The following ALK variants were observed in gnomAD, a reference collection of about 807,000 sequenced individuals.
The protein encoded by ALK is ALK receptor tyrosine kinase, also known as ALK tyrosine kinase receptor.
In ALK, 74 loss-of-function variants were observed where a neutral mutation model predicts 163.1. The ratio of observed to expected loss-of-function variants is 0.45; its 90% CI spans 0.38 to 0.55. The LOEUF is 0.55. Among genes scored for constraint, ALK ranks in the 20% least tolerant of loss-of-function variants. The pLI is 0.00. For missense variants in ALK, 2,063 were observed against 2,105.3 expected (o/e 0.98, Z 0.39); for synonymous variants, 960 against 843.2 (o/e 1.14, Z -2.40).
intron 1 of ALK, among the ~76,000 whole-genome samples, chr2:29,919,728 T>G (rs1326865869): frequency 6.6e-6 from 1 of 151,980 alleles, no homozygotes; most frequent in Non-Finnish European, 1.5e-5. Context: ...AGCGTATAAG[T>G]CCAGAGAAGA....
intron 3 of ALK, among the ~76,000 whole-genome samples, chr2:29,579,376 T>G (rs555868211): frequency 2.0e-5 from 3 of 152,328 alleles, no homozygotes; most frequent in African/African-American, 7.2e-5. Context: ...TATCCGCTCT[T>G]CCTTTGTATC....
At chr2:29,858,057 GCA>G (rs1332184565) in intron 1 of ALK, among the ~76,000 whole-genome samples, 1 of 58,932 alleles carries the variant, frequency 1.7e-5, no homozygotes, top group Non-Finnish European at 4.2e-5. Flanking sequence ...ATGTGTGTGT[GCA>G]TGTGTGTGTG....
At chr2:29,643,878 C>T (rs921712402) in intron 3 of ALK, among the ~76,000 whole-genome samples, 1 of 152,108 alleles carries the variant, frequency 6.6e-6, no homozygotes, top group Non-Finnish European at 1.5e-5. Flanking sequence ...TACCATTTGA[C>T]CCAGCCATCC....
At chr2:29,605,638 C>T (rs1047754801) in intron 3 of ALK, among the ~76,000 whole-genome samples, 15 of 152,114 alleles carry the variant, frequency 9.9e-5, no homozygotes, top group Non-Finnish European at 1.6e-4. Flanking sequence ...AGAAGGTGGC[C>T]GTCTACGAGC....
At chr2:29,679,009 T>C (rs1350707925) in intron 3 of ALK, among the ~76,000 whole-genome samples, 1 of 151,936 alleles carries the variant, frequency 6.6e-6, no homozygotes, top group African/African-American at 2.4e-5. Context: ...TTGTTTCCCC[T>C]TTCAGTTCTA....
At chr2:29,297,979 T>TAAAA (rs1168701544) in intron 8 of ALK, among the ~76,000 whole-genome samples, 1 of 152,144 alleles carries the variant, frequency 6.6e-6, no homozygotes, top group Non-Finnish European at 1.5e-5. Flanking sequence ...AGAGTAAAGG[T>TAAAA]ACCCCCTTTT....
chr2:29,222,867 A>T (rs561598103), intron 20 of ALK, among the ~76,000 whole-genome samples: 50 of 152,278 alleles, frequency 3.3e-4, no homozygotes, highest in African/African-American at 9.4e-4. Context: ...ATCAGTAGTT[A>T]TTGAGTCTCT....
At chr2:29,614,112 G>A (rs145196998) in intron 3 of ALK, among the ~76,000 whole-genome samples, 1,786 of 152,206 alleles carry the variant, frequency 0.012, 21 homozygotes, top group Non-Finnish European at 0.015. Context: ...TCCCCCTACC[G>A]TTCCCCAGGC....
chr2:29,557,606 A>T (rs980296640), intron 3 of ALK, among the ~76,000 whole-genome samples: 4 of 152,188 alleles, frequency 2.6e-5, no homozygotes, highest in Non-Finnish European at 4.4e-5. Flanking sequence ...CTTTCATTGG[A>T]AACACCCATT....
At chr2:29,451,847 G>A (rs975647865) in intron 4 of ALK, among the ~76,000 whole-genome samples, 8 of 152,102 alleles carry the variant, frequency 5.3e-5, no homozygotes, top group Admixed American at 1.3e-4. Context: ...GAAAACACAC[G>A]CAGCCACGCT....
chr2:29,593,914 T>C (rs1440400812), intron 3 of ALK, among the ~76,000 whole-genome samples: 1 of 152,236 alleles, frequency 6.6e-6, no homozygotes, highest in Non-Finnish European at 1.5e-5. Context: ...GATTGTTAAA[T>C]ACAGCCATTA....
At chr2:29,915,903 A>G (rs188922787) in intron 1 of ALK, among the ~76,000 whole-genome samples, 10 of 152,356 alleles carry the variant, frequency 6.6e-5, no homozygotes, top group African/African-American at 2.4e-4. Flanking sequence ...AGGGAAGAAT[A>G]AATTCAGTAA....
Position 29,474,198 on chromosome 2 carries a change from T to C in ALK, c.1154+57717A>G, listed in dbSNP as rs141734109. On this transcript the variant is annotated intron_variant, in intron 4 of 28. Coordinates refer to ENST00000389048, the MANE Select transcript of ALK (RefSeq NM_004304.5). ...ACAACAAAATTGAATTACTGCTACA[T>C]ACAACTAAACAGGAATATCTCACAG... Among the ~76,000 whole-genome samples, 375 of 152,326 alleles carry C rather than the reference T, an allele frequency of 2.5e-3. 3 individuals carry two copies. Among genetic ancestry groups the C allele is most frequent in the African/African-American group, 8.6e-3 (358 of 41,566 alleles).
At chr2:29,821,822 G>T (rs763181421) in intron 1 of ALK, among the ~76,000 whole-genome samples, 1 of 152,150 alleles carries the variant, frequency 6.6e-6, no homozygotes, top group Non-Finnish European at 1.5e-5. Context: ...GGATTAAGTG[G>T]AAAATCAATC....
rs76949868 is a variant in ALK, at chr2:29,297,824, C to T, written c.1648-767G>A. On this transcript the variant is annotated intron_variant, in intron 8 of 28. Coordinates refer to ENST00000389048, the MANE Select transcript of ALK (RefSeq NM_004304.5). ...CGATCATATTCAGAGGTAGGACATA[C>T]TATAAACAAGGTTTCTGGTCTTTGT... Among the ~76,000 whole-genome samples, 12 of 143,252 alleles carry T rather than the reference C, an allele frequency of 8.4e-5. No homozygotes were observed. The East Asian group carries it at 1.9e-3, about 23-fold the overall frequency. 94.0% of individuals were successfully genotyped at this position (143,252 alleles called of 152,430 possible).
rs1679299436 is a variant in ALK, at chr2:29,717,593, G to A, written c.772C>T (p.His258Tyr). Residue 258 changes from histidine to tyrosine, a missense_variant, in exon 2 of 29, where the codon CAT (histidine) becomes TAT (tyrosine). Around this residue, in one of 5 missense-constraint regions of ALK, gnomAD observed 987 missense variants for 939.5 expected, o/e 1.05. Transcript: ENST00000389048. ...ATATACTTACCATATCGGCTGCGAT[G>A]AGACAGGAAAGGGAAGGAGTCTTTC... ...IMKDSFPFLS[H>Y]RSRYGLECSF... is the part of the protein sequence containing the mutation. 6.2e-7 allele frequency: 1 copy of A among 1,614,072 alleles called. No homozygotes were observed. The highest frequency in any genetic ancestry group is 8.5e-7 in the Non-Finnish European group (1 of 1,179,938).
chr2:29,469,247 T>C (rs72794410), intron 4 of ALK, among the ~76,000 whole-genome samples: 10,692 of 152,256 alleles, frequency 0.07, 530 homozygotes, highest in Non-Finnish European at 0.11. Context: ...TCTGTGGACA[T>C]GTTGGGTCAA....
intron 3 of ALK, among the ~76,000 whole-genome samples, chr2:29,645,471 A>G (rs556391951): frequency 1.3e-4 from 20 of 152,288 alleles, no homozygotes; most frequent in African/African-American, 4.1e-4. Flanking sequence ...CTCTCATGGT[A>G]TCATTTTCAT....
intron 4 of ALK, among the ~76,000 whole-genome samples, chr2:29,431,566 G>A (rs1239801528): frequency 6.6e-6 from 1 of 152,166 alleles, no homozygotes; most frequent in Non-Finnish European, 1.5e-5. Context: ...CAAACCGCCT[G>A]CTTGTCCCTT....
Sources: gnomAD v4.1 joint callset for allele counts (sites outside exome capture counted in the v4.1 genomes callset) on GRCh38, gnomAD v4.1.1 for gene constraint, gnomAD v4.1.1 regional missense constraint, MANE v1.5 for transcripts, NCBI Gene and HGNC (gene_info 2026-07-23, HGNC 2026-07-21) for gene names.